Variants in NEDD4 observed in about 807,000 individuals in gnomAD.
NEDD4 encodes NEDD4 E3 ubiquitin protein ligase.
In NEDD4, 99 loss-of-function variants were observed where a neutral mutation model predicts 144.9. The ratio of observed to expected loss-of-function variants is 0.68; its 90% CI spans 0.58 to 0.81. The LOEUF is 0.81. Ranked by LOEUF, NEDD4 falls within the 30% of genes least tolerant of loss-of-function variation. The pLI, the probability that NEDD4 is intolerant of heterozygous loss-of-function variation, is 0.00. For missense variants in NEDD4, 985 were observed against 1,065.9 expected (o/e 0.92, Z 1.06); for synonymous variants, 318 against 350.6 (o/e 0.91, Z 1.04).
intron 4 of NEDD4, among the ~76,000 whole-genome samples, chr15:55,946,185 C>G (rs1270286646): frequency 6.6e-6 from 1 of 152,032 alleles, no homozygotes; most frequent in Non-Finnish European, 1.5e-5. Flanking sequence ...GGGCTAAATG[C>G]CCCCATTAAA....
At chr15:55,973,006 G>T (rs1193822095) in intron 1 of NEDD4, among the ~76,000 whole-genome samples, 5 of 152,196 alleles carry the variant, frequency 3.3e-5, no homozygotes, top group Non-Finnish European at 5.9e-5. Flanking sequence ...TAAAGTCAAA[G>T]AGTCAGCTAG....
chr15:55,931,001 T>G, intron 4 of NEDD4, among the ~76,000 whole-genome samples: 1 of 152,140 alleles, frequency 6.6e-6, no homozygotes, highest in East Asian at 1.9e-4. Context: ...TTAAAAACTG[T>G]ACATACAAGG....
chr15:55,924,701 T>A lies in NEDD4; in HGVS notation c.238-2A>T. 1.2e-6 allele frequency: 2 copies of A among 1,606,876 alleles called. No homozygotes were observed. The highest frequency in any genetic ancestry group is 1.7e-6 in the Non-Finnish European group (2 of 1,176,492). On this transcript the variant is annotated splice_acceptor_variant, in intron 4 of 28. Coordinates refer to ENST00000435532, the MANE Select transcript of NEDD4 (RefSeq NM_006154.4). LOFTEE classifies it high-confidence loss of function. Reference sequence around the variant, plus strand: ...AAGCCGGTGCTGCTGAGGATGAACCTAAGAAAAACACAATCTTTATTTAAA... The same window carrying A: ...AAGCCGGTGCTGCTGAGGATGAACCAAAGAAAAACACAATCTTTATTTAAA...
chr15:55,874,934 A>G (rs746045907), intron 5 of NEDD4, among the ~76,000 whole-genome samples: 12 of 152,072 alleles, frequency 7.9e-5, no homozygotes, highest in African/African-American at 2.9e-4. Flanking sequence ...GGACCATGCC[A>G]CTGCACTCCA....
At chr15:55,843,080 C>A (rs765784329) in intron 18 of NEDD4, among the ~76,000 whole-genome samples, 51 of 152,200 alleles carry the variant, frequency 3.4e-4, no homozygotes, top group Non-Finnish European at 1.3e-4. Flanking sequence ...TATGCACAAG[C>A]TCTCTCTTTG....
intron 18 of NEDD4, among the ~76,000 whole-genome samples, chr15:55,844,087 A>G (rs549322782): frequency 6.6e-6 from 1 of 152,304 alleles, no homozygotes; most frequent in African/African-American, 2.4e-5. Context: ...GAAGGCTTTG[A>G]GAGGAAGTCT....
Position 55,832,994 on chromosome 15 carries a change from T to C in NEDD4, c.2527+14A>G, listed in dbSNP as rs2033026569. On this transcript the variant is annotated intron_variant, in intron 27 of 28. Transcript: ENST00000435532. Reference sequence around the variant, plus strand: ...ATTATTCCATTTTTTTAATGATCTATGGAAAATCCTTACCGTATAGTTCAG... The same window carrying C: ...ATTATTCCATTTTTTTAATGATCTACGGAAAATCCTTACCGTATAGTTCAG... The C allele has an allele frequency of 6.4e-7, 1 of 1,573,428 alleles. No homozygotes were observed.
chr15:55,973,969 C>A (rs953258088), intron 1 of NEDD4, among the ~76,000 whole-genome samples: 3 of 151,542 alleles, frequency 2.0e-5, no homozygotes, highest in Admixed American at 6.6e-5. Context: ...GAATATAATA[C>A]AAAGAATCAA....
intron 5 of NEDD4, among the ~76,000 whole-genome samples, chr15:55,878,610 T>A (rs530271660): frequency 6.6e-6 from 1 of 152,194 alleles, no homozygotes; most frequent in Non-Finnish European, 1.5e-5. Context: ...CTCCTTGTAT[T>A]TTCTTAAGAG....
chr15:55,934,036 C>T (rs1322058440), intron 4 of NEDD4, among the ~76,000 whole-genome samples: 1 of 152,030 alleles, frequency 6.6e-6, no homozygotes, highest in Non-Finnish European at 1.5e-5. Context: ...GCCTGTAATC[C>T]CAGCTACTTG....
chr15:55,898,777 G>A (rs1311707710), intron 5 of NEDD4, among the ~76,000 whole-genome samples: 1 of 151,652 alleles, frequency 6.6e-6, no homozygotes, highest in Admixed American at 6.6e-5. Context: ...GGGACTATAG[G>A]CAAGCGCCAC....
At chr15:55,908,073 T>G (rs563906687) in intron 5 of NEDD4, among the ~76,000 whole-genome samples, 1 of 152,218 alleles carries the variant, frequency 6.6e-6, no homozygotes, top group Non-Finnish European at 1.5e-5. Flanking sequence ...CAGTCATCAC[T>G]CAAATATCCT....
At chr15:55,909,023 T>C (rs1314610114) in intron 5 of NEDD4, among the ~76,000 whole-genome samples, 1 of 152,222 alleles carries the variant, frequency 6.6e-6, no homozygotes, top group African/African-American at 2.4e-5. Flanking sequence ...ATATCATCAA[T>C]ATCTTGCTTG....
chr15:55,910,960 C>G (rs1450470011), intron 5 of NEDD4, among the ~76,000 whole-genome samples: 3 of 152,136 alleles, frequency 2.0e-5, no homozygotes, highest in African/African-American at 7.2e-5. Flanking sequence ...CCGAAGACCC[C>G]CTTCTTTGTC....
intron 8 of NEDD4, among the ~76,000 whole-genome samples, chr15:55,866,990 G>A (rs979650388): frequency 8.5e-5 from 13 of 152,142 alleles, no homozygotes; most frequent in African/African-American, 3.1e-4. Context: ...AAGAGGGTCA[G>A]AAAGAAAGCA....
In NEDD4 at chr15:55,848,384, T is replaced by G. The variant is rs374978563; in HGVS notation, c.1530A>C (p.Ala510=). 6.2e-7 allele frequency: 1 copy of G among 1,614,058 alleles called. No homozygotes were observed. The highest frequency in any genetic ancestry group is 8.5e-7 in the Non-Finnish European group (1 of 1,180,014). The change falls in exon 17 of 29, where the codon GCA becomes GCC. Residue 510 remains alanine (A), a synonymous_variant. Transcript: ENST00000435532. ...CAGAGAGACTTACTGGTCCAGTTAT[T>G]GCTACATTCTCCAACCGAGGATCTT... ...QWEDPRLENV[A]ITGPAVPYSR...
At chr15:55,879,055 C>A (rs1241062985) in intron 5 of NEDD4, among the ~76,000 whole-genome samples, 1 of 152,154 alleles carries the variant, frequency 6.6e-6, no homozygotes, top group African/African-American at 2.4e-5. Context: ...AACTACTGAC[C>A]CCAGGTGATC....
chr15:55,835,149 A>G (rs1005928780), intron 24 of NEDD4, among the ~76,000 whole-genome samples: 1 of 152,202 alleles, frequency 6.6e-6, no homozygotes, highest in Non-Finnish European at 1.5e-5. Flanking sequence ...AGTGTTATGC[A>G]CTTACCAAAT....
chr15:55,911,808 G>A (rs1173964911), intron 5 of NEDD4, among the ~76,000 whole-genome samples: 1 of 152,160 alleles, frequency 6.6e-6, no homozygotes, highest in Non-Finnish European at 1.5e-5. Context: ...GATTACAGGC[G>A]TGAGCCACCG....
Sources: allele counts gnomAD v4.1 joint callset (sites outside exome capture counted in the v4.1 genomes callset), GRCh38; gene constraint gnomAD v4.1.1; transcripts MANE v1.5; gene names NCBI Gene and HGNC (gene_info 2026-07-23, HGNC 2026-07-21).